Variants in DOCK4 observed in about 807,000 individuals in gnomAD.
DOCK4 encodes dedicator of cytokinesis 4, also known as dedicator of cytokinesis protein 4.
A neutral mutation model predicts 268.1 loss-of-function variants in DOCK4; 97 were observed. The observed-to-expected ratio is 0.36, with a 90% CI of 0.31 to 0.43. DOCK4 has a LOEUF of 0.43. DOCK4 is among the 20% of genes least tolerant of loss of function. DOCK4 has a pLI of 1.00. For synonymous variants in DOCK4, 954 were observed against 887.2 expected, an observed-to-expected ratio of 1.08 and a Z score of -1.34; for missense variants, 2,145 against 2,455.7, an observed-to-expected ratio of 0.87 and a Z score of 2.67.
chr7:111,769,940 C>T (rs1798016057), intron 36 of DOCK4, among the ~76,000 whole-genome samples: 1 of 151,678 alleles, frequency 6.6e-6, no homozygotes. Flanking sequence ...TTTTTGTCTT[C>T]CCTAAAATGT....
At chr7:112,130,056 G>C (rs1327360135) in intron 1 of DOCK4, among the ~76,000 whole-genome samples, 6 of 152,184 alleles carry the variant, frequency 3.9e-5, no homozygotes. Context: ...TTTTAACTCT[G>C]CCTGGAAAGG....
intron 1 of DOCK4, among the ~76,000 whole-genome samples, chr7:112,200,889 A>G (rs1218490435): frequency 6.6e-6 from 1 of 152,158 alleles, no homozygotes; most frequent in Non-Finnish European, 1.5e-5. Context: ...ATAAGCTGCT[A>G]TCCCACTGTC....
Position 112,138,984 on chromosome 7 carries a change from T to C in DOCK4, c.37+67118A>G, listed in dbSNP as rs1814633125. Among the ~76,000 whole-genome samples, 6 of 152,296 alleles carry C rather than the reference T, an allele frequency of 3.9e-5. No homozygotes were observed. In the Middle Eastern group the frequency reaches 0.01, roughly 259 times the overall value. The stretch of plus-strand genomic sequence containing the variant: ...TCTGCAGGTAGGCAAGAATCAACTG[T>C]GCAGGTACATTGATCTTGGAATTCC... On this transcript the variant is annotated intron_variant, in intron 1 of 52. Coordinates refer to ENST00000428084, the MANE Select transcript of DOCK4 (RefSeq NM_001363540.2).
chr7:112,182,345 T>C (rs1197258985), intron 1 of DOCK4, among the ~76,000 whole-genome samples: 1 of 152,222 alleles, frequency 6.6e-6, no homozygotes, highest in Non-Finnish European at 1.5e-5. Flanking sequence ...TATGGAATGA[T>C]CTCTCCATGA....
intron 16 of DOCK4, among the ~76,000 whole-genome samples, chr7:111,881,962 A>G (rs889183498): frequency 6.6e-6 from 1 of 152,200 alleles, no homozygotes; most frequent in African/African-American, 2.4e-5. Flanking sequence ...GGAGGTGGGG[A>G]TGGTTAATGG....
chr7:111,993,237 C>A (rs1340437935), intron 5 of DOCK4, among the ~76,000 whole-genome samples: 1 of 152,196 alleles, frequency 6.6e-6, no homozygotes, highest in Non-Finnish European at 1.5e-5. Context: ...TGGATTTTTT[C>A]CTCGACAGGC....
chr7:111,831,494 T>A (rs1033329599), intron 26 of DOCK4, among the ~76,000 whole-genome samples: 1 of 151,748 alleles, frequency 6.6e-6, no homozygotes, highest in Non-Finnish European at 1.5e-5. Flanking sequence ...TTTTTCTTTT[T>A]TTTTTTTAGA....
At chr7:112,142,804 T>C (rs192779431) in intron 1 of DOCK4, among the ~76,000 whole-genome samples, 86 of 152,274 alleles carry the variant, frequency 5.6e-4, no homozygotes, top group African/African-American at 1.8e-3. Context: ...TGCATGCTTT[T>C]AAACCTGAAG....
At chr7:111,859,562 ATTTT>A (rs140285833) in intron 23 of DOCK4, among the ~76,000 whole-genome samples, 3 of 102,176 alleles carry the variant, frequency 2.9e-5, no homozygotes, top group Admixed American at 1.0e-4. Flanking sequence ...GTGTGTGTTA[ATTTT>A]TTTTTTTTTT....
chr7:112,154,330 T>A (rs1007540381), intron 1 of DOCK4, among the ~76,000 whole-genome samples: 1 of 152,174 alleles, frequency 6.6e-6, no homozygotes, highest in African/African-American at 2.4e-5. Flanking sequence ...ACAACATACA[T>A]GAAGAAAGCA....
intron 32 of DOCK4, among the ~76,000 whole-genome samples, chr7:111,787,474 A>T (rs1215263746): frequency 1.3e-5 from 2 of 152,210 alleles, no homozygotes; most frequent in Non-Finnish European, 2.9e-5. Context: ...GATACTGTTC[A>T]GAATCCAGTA....
At chr7:111,889,927 C>T (rs1467358755) in intron 16 of DOCK4, among the ~76,000 whole-genome samples, 1 of 152,206 alleles carries the variant, frequency 6.6e-6, no homozygotes, top group Non-Finnish European at 1.5e-5. Flanking sequence ...GAGTTGGGCA[C>T]TTCTGCCATG....
chr7:112,111,179 C>A (rs943814599), intron 1 of DOCK4, among the ~76,000 whole-genome samples: 1 of 152,144 alleles, frequency 6.6e-6, no homozygotes, highest in Non-Finnish European at 1.5e-5. Flanking sequence ...TAGTGCCTGA[C>A]AGCATTCAAG....
At chr7:111,836,373 A>G (rs990099679) in intron 25 of DOCK4, among the ~76,000 whole-genome samples, 4 of 152,128 alleles carry the variant, frequency 2.6e-5, no homozygotes, top group African/African-American at 9.7e-5. Context: ...ATGATCAAAT[A>G]GTTTCCAATA....
At chr7:111,878,373 T>A (rs972976326) in intron 16 of DOCK4, among the ~76,000 whole-genome samples, 1 of 152,190 alleles carries the variant, frequency 6.6e-6, no homozygotes, top group Non-Finnish European at 1.5e-5. Context: ...AAAATAAATA[T>A]GAAGCAGACC....
chr7:111,888,150 T>C (rs1723476383), intron 16 of DOCK4, among the ~76,000 whole-genome samples: 1 of 151,462 alleles, frequency 6.6e-6, no homozygotes, highest in Middle Eastern at 3.2e-3. Context: ...TGGACCCACA[T>C]CTATACCCAG....
intron 13 of DOCK4, among the ~76,000 whole-genome samples, chr7:111,912,669 A>C (rs1202435220): frequency 6.6e-6 from 1 of 152,102 alleles, no homozygotes; most frequent in Non-Finnish European, 1.5e-5. Context: ...AGAAAGATTA[A>C]GATCAAGACA....
intron 12 of DOCK4, among the ~76,000 whole-genome samples, chr7:111,918,303 A>T (rs1792790726): frequency 6.6e-6 from 1 of 152,178 alleles, no homozygotes. Context: ...CATCCTCAGA[A>T]CTTCAAATCT....
intron 8 of DOCK4, among the ~76,000 whole-genome samples, chr7:111,973,186 T>TATATATATATATATATATATAA (rs1554399511): frequency 2.2e-5 from 3 of 137,558 alleles, no homozygotes; most frequent in African/African-American, 7.8e-5. Context: ...TATATATATA[T>TATATATATATATATATATATAA]AATATTTTCT....
Sources: gnomAD v4.1 joint callset for allele counts (sites outside exome capture counted in the v4.1 genomes callset) on GRCh38, gnomAD v4.1.1 for gene constraint, MANE v1.5 for transcripts, NCBI Gene and HGNC (gene_info 2026-07-23, HGNC 2026-07-21) for gene names.